Variants in EXOC3 observed in about 807,000 individuals in gnomAD.
EXOC3 encodes SEC6-like 1.
Under a neutral mutation model 73.7 loss-of-function variants are expected in EXOC3, and 21 were observed. That is an observed-to-expected ratio of 0.29 (90% CI 0.20 to 0.41). The LOEUF is 0.41. EXOC3 is among the 10% of genes least tolerant of loss of function. The pLI is 1.00. For synonymous variants in EXOC3, 410 were observed against 389.1 expected (o/e 1.05, Z -0.63); for missense variants, 842 against 985.1 (o/e 0.85, Z 1.95).
At chr5:445,239 G>A (rs542107669) in intron 1 of EXOC3, among the ~76,000 whole-genome samples, 9 of 152,308 alleles carry the variant, frequency 5.9e-5, no homozygotes, top group African/African-American at 2.2e-4. Context: ...GAGCACCTGT[G>A]GTCTGCACGG....
intron 4 of EXOC3, 52 bp downstream of exon 4, chr5:454,103 GA>G: frequency 2.8e-6 from 4 of 1,448,622 alleles, no homozygotes; most frequent in Non-Finnish European, 3.7e-6. Context: ...CCGTGTGTGA[GA>G]GGGGCCTGCA....
chr5:453,335 GGTT>G (rs1311024004), intron 3 of EXOC3, 32 bp from the exon 4 acceptor site: 1 of 1,505,282 alleles, frequency 6.6e-7, no homozygotes. Flanking sequence ...ATGTGGTGGT[GGTT>G]GTTTATGTTG....
intron 7 of EXOC3, among the ~76,000 whole-genome samples, chr5:461,015 G>C (rs1301864731): frequency 6.6e-6 from 1 of 152,166 alleles, no homozygotes; most frequent in Non-Finnish European, 1.5e-5. Flanking sequence ...TAAAAATAGA[G>C]CGTGTCACTA....
chr5:450,517 G>C (rs377461952), intron 3 of EXOC3, among the ~76,000 whole-genome samples: 1 of 152,100 alleles, frequency 6.6e-6, no homozygotes, highest in Non-Finnish European at 1.5e-5. Context: ...TCTGTTGTTG[G>C]GTGTTCTTTC....
chr5:449,777 T>G (rs960924014), intron 3 of EXOC3, among the ~76,000 whole-genome samples: 2 of 152,228 alleles, frequency 1.3e-5, no homozygotes, highest in Non-Finnish European at 2.9e-5. Context: ...ATGTTTTACT[T>G]TTATTTCTTT....
At chr5:458,164 C>A in intron 6 of EXOC3, 139 bp downstream of exon 6, 1 of 825,144 alleles carries the variant, frequency 1.2e-6, no homozygotes, top group Non-Finnish European at 1.9e-6. Flanking sequence ...CCTGGTGCAT[C>A]TAAGTCCTCT....
chr5:453,192 T>C (rs1737704784), intron 3 of EXOC3, among the ~76,000 whole-genome samples, 178 bp from the exon 4 acceptor site: 1 of 152,246 alleles, frequency 6.6e-6, no homozygotes. Flanking sequence ...TTACCATTTA[T>C]GCCTTTAATA....
chr5:462,817 C>A lies in EXOC3; in HGVS notation c.1653+510C>A, dbSNP rs188502544. Among the ~76,000 whole-genome samples, 183 of 152,298 alleles carry A rather than the reference C, an allele frequency of 1.2e-3. 12 individuals carry two copies. The East Asian group carries it at 0.018, about 15-fold the overall frequency. On this transcript the variant is annotated intron_variant, in intron 9 of 12. Coordinates refer to ENST00000512944, the MANE Select transcript of EXOC3 (RefSeq NM_007277.5). ...ATCAGGATATATTTAAAAAATAAGA[C>A]CTTGTAGGCCGGGTGTGGTGGCTTA...
At chr5:464,268 A>T (rs751987955) in intron 9 of EXOC3, 22 bp from the exon 10 acceptor site, 1 of 1,610,160 alleles carries the variant, frequency 6.2e-7, no homozygotes, top group South Asian at 1.1e-5. Context: ...GATGATTTCT[A>T]TGATCTGTTT....
At chr5:445,630 A>AGGCGTGAGCCACC (rs1441154545) in intron 1 of EXOC3, among the ~76,000 whole-genome samples, 2 of 152,210 alleles carry the variant, frequency 1.3e-5, no homozygotes, top group Non-Finnish European at 2.9e-5. Flanking sequence ...CTGGGATTAC[A>AGGCGTGAGCCACC]GGCGTGAGCC....
chr5:456,854 G>A (rs199503962), intron 4 of EXOC3, 35 bp from the exon 5 acceptor site: 16 of 1,497,952 alleles, frequency 1.1e-5, no homozygotes, highest in South Asian at 2.3e-5. Flanking sequence ...TGTGTCTGTC[G>A]TGGTTTGTCA....
At position 457,956 on chromosome 5, in the gene EXOC3, C is replaced by T; in HGVS notation, c.1221C>T (p.Val407=). 1 of 1,612,178 alleles carries T rather than the reference C, an allele frequency of 6.2e-7. No homozygotes were observed. Among genetic ancestry groups the T allele is most frequent in the Non-Finnish European group, 8.5e-7 (1 of 1,179,016 alleles). The change falls in exon 6 of 13, where the codon GTC becomes GTT. Residue 407 remains valine, a synonymous_variant. Coordinates refer to ENST00000512944, the MANE Select transcript of EXOC3 (RefSeq NM_007277.5). ...KALETDKKDW[V]KETEPEADQD... The stretch of plus-strand genomic sequence containing the variant: ...TGGAGACAGACAAGAAAGACTGGGT[C>T]AAAGAGACAGAGCCAGAAGCCGACC...
Position 465,768 on chromosome 5 carries a change from C to T in EXOC3, c.1989C>T (p.Ala663=), listed in dbSNP as rs1388876742. 3 of 1,613,704 alleles carry T rather than the reference C, an allele frequency of 1.9e-6. No individual in the cohort carries two copies. The highest frequency in any genetic ancestry group is 2.2e-5 in the East Asian group (1 of 44,896). The change falls in exon 12 of 13, where the codon GCC becomes GCT. Residue 663 remains alanine, a synonymous_variant. Transcript: ENST00000512944. ...DGYCDTIVAV[A]EVIKLTDPSL... ...ACTGCGACACCATCGTGGCTGTGGC[C>T]GAAGTGATCAAGCTGACAGACCCTT... is the stretch of plus-strand genomic sequence containing the variant.
At position 461,940 on chromosome 5, in the gene EXOC3, C is replaced by A; in HGVS notation, c.1392-20C>A. 1 of 1,549,744 alleles carries A rather than the reference C, an allele frequency of 6.5e-7. No homozygotes were observed. Among genetic ancestry groups the A allele is most frequent in the Non-Finnish European group, 8.8e-7 (1 of 1,141,364 alleles). ...CATGTTGCCCTTAGTGCTGTCTGACCGAAGCCTGTCTGTCCTCAGATATAA... is the reference window on the plus strand; with the variant it reads ...CATGTTGCCCTTAGTGCTGTCTGACAGAAGCCTGTCTGTCCTCAGATATAA... On this transcript the variant is annotated intron_variant, in intron 7 of 12. Coordinates refer to ENST00000512944, the MANE Select transcript of EXOC3 (RefSeq NM_007277.5).
At chr5:445,285 G>C (rs905063780) in intron 1 of EXOC3, among the ~76,000 whole-genome samples, 4 of 152,022 alleles carry the variant, frequency 2.6e-5, no homozygotes, top group Non-Finnish European at 5.9e-5. Flanking sequence ...ATGTTTTCTA[G>C]GACAGTTAAA....
intron 1 of EXOC3, among the ~76,000 whole-genome samples, chr5:445,281 T>C (rs1737472084): frequency 6.6e-6 from 1 of 152,180 alleles, no homozygotes; most frequent in Admixed American, 6.5e-5. Context: ...CATGATGTTT[T>C]CTAGGACAGT....
Position 464,403 on chromosome 5 carries a change from G to T in EXOC3, c.1767G>T (p.Pro589=). Residue 589 remains proline, a synonymous_variant, in exon 10 of 13, where the codon CCG becomes CCT. Coordinates refer to ENST00000512944, the MANE Select transcript of EXOC3 (RefSeq NM_007277.5). ...YFNDFAKIKK[P]YKKRMTAEAH... ...ACGATTTTGCCAAAATTAAAAAGCC[G>T]TATAAGAAGGTAAGAAGGTGGGACC... 1 of 1,613,448 alleles carries T rather than the reference G, an allele frequency of 6.2e-7. No homozygotes were observed. The highest frequency in any genetic ancestry group is 8.5e-7 in the Non-Finnish European group (1 of 1,179,534).
At chr5:461,612 C>CAA (rs34450970) in intron 7 of EXOC3, 30 of 196,354 alleles carry the variant, frequency 1.5e-4, no homozygotes, top group South Asian at 6.5e-4. Flanking sequence ...GACTCTATCT[C>CAA]AAAAAAAAAA....
chr5:445,600 C>T (rs892230282), intron 1 of EXOC3, among the ~76,000 whole-genome samples: 1 of 152,114 alleles, frequency 6.6e-6, no homozygotes, highest in East Asian at 1.9e-4. Context: ...GTGATCCACC[C>T]GCCTCGGCCT....
Sources: allele counts gnomAD v4.1 joint callset (sites outside exome capture counted in the v4.1 genomes callset), GRCh38; gene constraint gnomAD v4.1.1; transcripts MANE v1.5; gene names NCBI Gene and HGNC (gene_info 2026-07-23, HGNC 2026-07-21).